Variants in CHCHD3 observed in about 807,000 individuals in gnomAD.
CHCHD3 encodes coiled-coil-helix-coiled-coil-helix domain containing 3, also known as MICOS complex subunit MIC19.
CHCHD3 carries 20 observed loss-of-function variants against 38.2 expected under a neutral mutation model. The observed-to-expected ratio is 0.52, with a 90% confidence interval of 0.37 to 0.76. CHCHD3 has a LOEUF of 0.76. CHCHD3 is among the 30% of genes least tolerant of loss of function. The pLI, the probability that CHCHD3 is intolerant of heterozygous loss-of-function variation, is 0.00. For missense variants in CHCHD3, 245 were observed against 279.2 expected, an observed-to-expected ratio of 0.88 and a Z score of 0.87; for synonymous variants, 82 against 100.0, an observed-to-expected ratio of 0.82 and a Z score of 1.07.
chr7:132,813,757 T>C (rs1485661820), intron 6 of CHCHD3, among the ~76,000 whole-genome samples: 2 of 152,160 alleles, frequency 1.3e-5, no homozygotes, highest in African/African-American at 4.8e-5. Flanking sequence ...CTCATGAAGC[T>C]TGAAGGTACC....
At chr7:133,018,273 A>T (rs1813082523) in intron 3 of CHCHD3, among the ~76,000 whole-genome samples, 1 of 152,220 alleles carries the variant, frequency 6.6e-6, no homozygotes. Flanking sequence ...TGCTCACATC[A>T]CAGCAGGATG....
At chr7:132,857,321 A>G (rs527771900) in intron 5 of CHCHD3, among the ~76,000 whole-genome samples, 1 of 152,356 alleles carries the variant, frequency 6.6e-6, no homozygotes, top group South Asian at 2.1e-4. Flanking sequence ...TCTTCTTTAC[A>G]GTATCCCCGA....
At chr7:132,854,911 C>T (rs1356584856) in intron 5 of CHCHD3, among the ~76,000 whole-genome samples, 3 of 152,152 alleles carry the variant, frequency 2.0e-5, no homozygotes, top group Non-Finnish European at 4.4e-5. Flanking sequence ...GAGTTGAAAG[C>T]ATAGGAGAGC....
At chr7:132,948,612 A>G (rs1405251036) in intron 4 of CHCHD3, among the ~76,000 whole-genome samples, 7 of 152,170 alleles carry the variant, frequency 4.6e-5, no homozygotes, top group Admixed American at 4.6e-4. Context: ...AAAAGTTTCT[A>G]TGGAAAATCA....
intron 4 of CHCHD3, among the ~76,000 whole-genome samples, chr7:132,960,077 G>A (rs559463647): frequency 1.1e-4 from 17 of 152,094 alleles, no homozygotes; most frequent in Non-Finnish European, 2.2e-4. Context: ...CAGAATTGAC[G>A]GAGGCTTTTT....
In CHCHD3 at chr7:132,834,800, C is replaced by G. The variant is rs543807827; in HGVS notation, c.524+3599G>C. Among the ~76,000 whole-genome samples the G allele has an allele frequency of 1.1e-4, 17 of 152,188 alleles. 1 individual carries two copies. Among genetic ancestry groups the G allele is most frequent in the Middle Eastern group, 3.4e-3 (1 of 292 alleles). On this transcript the variant is annotated intron_variant, in intron 6 of 7. Coordinates refer to ENST00000262570, the MANE Select transcript of CHCHD3 (RefSeq NM_017812.4). Reference sequence around the variant, plus strand: ...AGTCCTGTCAACCAGGAAAGCTCACCTGAGCAGCACTGTTCAGAGTTTTAT... The same window carrying G: ...AGTCCTGTCAACCAGGAAAGCTCACGTGAGCAGCACTGTTCAGAGTTTTAT...
At chr7:132,909,769 T>C (rs779513838) in intron 4 of CHCHD3, among the ~76,000 whole-genome samples, 1 of 152,192 alleles carries the variant, frequency 6.6e-6, no homozygotes, top group Non-Finnish European at 1.5e-5. Flanking sequence ...CAACTACCTT[T>C]ATCTTCTTCT....
intron 4 of CHCHD3, among the ~76,000 whole-genome samples, chr7:132,904,801 T>C (rs1027935018): frequency 1.3e-5 from 2 of 152,222 alleles, no homozygotes; most frequent in South Asian, 4.1e-4. Context: ...CGTATGTTTA[T>C]TGCAGCACTA....
At chr7:132,895,417 G>A (rs1347302311) in intron 4 of CHCHD3, among the ~76,000 whole-genome samples, 2 of 152,212 alleles carry the variant, frequency 1.3e-5, no homozygotes, top group African/African-American at 4.8e-5. Flanking sequence ...GTTGTGACAA[G>A]CAAAATGTCT....
chr7:132,925,662 C>T (rs59255824), intron 4 of CHCHD3, among the ~76,000 whole-genome samples: 35,563 of 152,002 alleles, frequency 0.23, 4,335 homozygotes, highest in South Asian at 0.27. Flanking sequence ...TCAGCAAGCA[C>T]TCACCGCACA....
chr7:132,896,098 T>C (rs753091910), intron 4 of CHCHD3, among the ~76,000 whole-genome samples: 6 of 152,188 alleles, frequency 3.9e-5, no homozygotes, highest in African/African-American at 7.2e-5. Context: ...GGTGGTTGGG[T>C]TGAATTGCAA....
intron 5 of CHCHD3, among the ~76,000 whole-genome samples, chr7:132,885,356 G>C (rs1809177861): frequency 6.6e-6 from 1 of 152,160 alleles, no homozygotes; most frequent in African/African-American, 2.4e-5. Flanking sequence ...GTCTGGGAGA[G>C]ATAAGAGTAG....
At chr7:133,033,437 T>G (rs1018401191) in intron 2 of CHCHD3, among the ~76,000 whole-genome samples, 3 of 152,070 alleles carry the variant, frequency 2.0e-5, no homozygotes, top group Non-Finnish European at 4.4e-5. Flanking sequence ...ATTCCTAAAG[T>G]GCCTGAAGTG....
intron 2 of CHCHD3, 147 bp downstream of exon 2, chr7:133,069,995 A>C (rs1409327242): frequency 1.8e-6 from 1 of 563,536 alleles, no homozygotes; most frequent in East Asian, 3.0e-5. Context: ...TTTAAAAGAA[A>C]CCCCAATACT....
At chr7:133,022,696 C>T (rs1225077413) in intron 3 of CHCHD3, among the ~76,000 whole-genome samples, 1 of 151,922 alleles carries the variant, frequency 6.6e-6, no homozygotes, top group South Asian at 2.1e-4. Context: ...AAAATAAATT[C>T]TTTATCAATA....
intron 3 of CHCHD3, among the ~76,000 whole-genome samples, chr7:132,982,294 C>CT (rs1052449829): frequency 4.0e-5 from 6 of 151,868 alleles, no homozygotes; most frequent in South Asian, 2.1e-4. Context: ...CTTAATTTTT[C>CT]TTTTTTTTGA....
At chr7:132,947,428 T>C (rs1810926694) in intron 4 of CHCHD3, among the ~76,000 whole-genome samples, 2 of 151,898 alleles carry the variant, frequency 1.3e-5, no homozygotes, top group African/African-American at 2.4e-5. Context: ...ACTCTTCTGA[T>C]GGCCAGTAAG....
At chr7:132,817,509 G>A (rs993292336) in intron 6 of CHCHD3, among the ~76,000 whole-genome samples, 1 of 152,048 alleles carries the variant, frequency 6.6e-6, no homozygotes, top group Non-Finnish European at 1.5e-5. Context: ...TTCCAGAAGA[G>A]CCACCTGCCA....
chr7:132,969,280 G>C (rs1362373366), intron 4 of CHCHD3, among the ~76,000 whole-genome samples: 2 of 151,840 alleles, frequency 1.3e-5, no homozygotes, highest in African/African-American at 2.4e-5. Context: ...TTCAGACTCT[G>C]AAGAAAAGCA....
Sources: allele counts gnomAD v4.1 joint callset (sites outside exome capture counted in the v4.1 genomes callset), GRCh38; gene constraint gnomAD v4.1.1; transcripts MANE v1.5; gene names NCBI Gene and HGNC (gene_info 2026-07-23, HGNC 2026-07-21).